Variants in WNT2B observed in about 807,000 individuals in gnomAD.
The protein encoded by WNT2B is protein Wnt-2b.
A neutral mutation model predicts 40.5 loss-of-function variants in WNT2B; 19 were observed. The ratio of observed to expected loss-of-function variants is 0.47; its 90% confidence interval spans 0.33 to 0.69. The LOEUF (loss-of-function observed/expected upper bound fraction) is 0.69, where lower values mean the gene tolerates loss of function less well. WNT2B is among the 30% of genes least tolerant of loss of function. The pLI, the probability that WNT2B is intolerant of heterozygous loss-of-function variation, is 0.02. For missense variants in WNT2B, 467 were observed against 556.4 expected (o/e 0.84, Z 1.62); for synonymous variants, 220 against 211.9 (o/e 1.04, Z -0.33).
At chr1:112,480,622 A>C (rs1460366054) in intron 1 of WNT2B, among the ~76,000 whole-genome samples, 1 of 152,168 alleles carries the variant, frequency 6.6e-6, no homozygotes, top group Non-Finnish European at 1.5e-5. Flanking sequence ...CCAGAACCAG[A>C]TGGCTTCATA....
At chr1:112,489,025 G>A (rs908956867) in intron 1 of WNT2B, among the ~76,000 whole-genome samples, 1 of 152,066 alleles carries the variant, frequency 6.6e-6, no homozygotes, top group African/African-American at 2.4e-5. Context: ...CTAAAACCAA[G>A]CAATCCCAGA....
chr1:112,507,958 G>A (rs1256015461), upstream of WNT2B, among the ~76,000 whole-genome samples: 1 of 152,146 alleles, frequency 6.6e-6, no homozygotes, highest in Non-Finnish European at 1.5e-5. Flanking sequence ...GGGGTGGTGG[G>A]GAGAGGAGAG....
At chr1:112,475,439 A>T (rs1420761194) in intron 1 of WNT2B, among the ~76,000 whole-genome samples, 1 of 152,256 alleles carries the variant, frequency 6.6e-6, no homozygotes, top group Admixed American at 6.5e-5. Context: ...TTTTAAAGAG[A>T]TTTAAAGAAC....
intron 1 of WNT2B, among the ~76,000 whole-genome samples, chr1:112,499,898 C>A (rs1651894308): frequency 1.6e-5 from 2 of 122,056 alleles, no homozygotes; most frequent in African/African-American, 2.6e-5. Context: ...TGTCTCATTG[C>A]TAAATAATTG....
chr1:112,512,386 T>A (rs2101085629), intron 1 of WNT2B, among the ~76,000 whole-genome samples: 1 of 152,366 alleles, frequency 6.6e-6, no homozygotes, highest in African/African-American at 2.4e-5. Flanking sequence ...CATGGTGAAA[T>A]GCAGATTCTG....
chr1:112,468,098 G>A (rs1230116288), intron 1 of WNT2B, among the ~76,000 whole-genome samples: 1 of 152,068 alleles, frequency 6.6e-6, no homozygotes. Context: ...ATTTAACATA[G>A]TGACTTCCAG....
upstream of WNT2B, among the ~76,000 whole-genome samples, chr1:112,508,009 T>C (rs1343411022): frequency 6.6e-6 from 1 of 152,006 alleles, no homozygotes; most frequent in Non-Finnish European, 1.5e-5. The surrounding 1 kb of genome is among the most constrained non-coding windows in gnomAD (Gnocchi z 4.2). Flanking sequence ...CTTCCCTATT[T>C]ACCACGCCCC....
chr1:112,514,580 G>A (rs544486723), intron 1 of WNT2B, among the ~76,000 whole-genome samples: 1 of 152,248 alleles, frequency 6.6e-6, no homozygotes, highest in South Asian at 2.1e-4. Flanking sequence ...CACAGCTTCT[G>A]TGTATGTGAC....
At chr1:112,483,768 C>A (rs1570768098) in intron 1 of WNT2B, among the ~76,000 whole-genome samples, 3 of 117,576 alleles carry the variant, frequency 2.6e-5, no homozygotes, top group Admixed American at 9.2e-5. Flanking sequence ...GGAACTCATA[C>A]AACTGAATAA....
intron 3 of WNT2B, among the ~76,000 whole-genome samples, chr1:112,516,818 G>A (rs1387770385): frequency 1.3e-5 from 2 of 152,198 alleles, no homozygotes; most frequent in Admixed American, 6.5e-5. Flanking sequence ...ACTCTAAAAC[G>A]TGAAAAGTAG....
chr1:112,514,754 G>T, intron 1 of WNT2B, 120 bp from the exon 2 acceptor site: 1 of 876,248 alleles, frequency 1.1e-6, no homozygotes, highest in Non-Finnish European at 1.8e-6. Flanking sequence ...ATGGAATGTG[G>T]GTTAGGGAGA....
rs2101164247 is a variant in WNT2B, at chr1:112,529,017, TG to T, written c.*8509del. On this transcript the variant is annotated 3_prime_UTR_variant, in exon 5 of 5. Coordinates refer to ENST00000369684, the MANE Select transcript of WNT2B (RefSeq NM_024494.3). ...TAAAAATCGCTACTTATGGGGCTTT[TG>T]TCATACTTCTTAACCAAACTTCCCT... 6.6e-6 allele frequency: 1 copy of T among 152,358 alleles called. No individual in the cohort carries two copies. The highest frequency in any genetic ancestry group is 2.1e-4 in the South Asian group (1 of 4,832). 9.4% of individuals were successfully genotyped at this position (152,358 alleles called of 1,614,324 possible).
At chr1:112,517,949 A>G (rs1652645729) in intron 4 of WNT2B, 2 of 154,982 alleles carry the variant, frequency 1.3e-5, no homozygotes, top group Admixed American at 6.3e-5. Flanking sequence ...GGGAAAGCAC[A>G]TGATCTGTCC....
At chr1:112,470,905 G>A (rs1323520102) in intron 1 of WNT2B, among the ~76,000 whole-genome samples, 1 of 152,200 alleles carries the variant, frequency 6.6e-6, no homozygotes, top group Non-Finnish European at 1.5e-5. Flanking sequence ...TCTGGAAAGT[G>A]TCTGCTCTGG....
At position 112,509,509 on chromosome 1, in the gene WNT2B, G is replaced by T. The variant is rs1330791119; in HGVS notation, c.182+65G>T. 4.7e-6 allele frequency: 7 copies of T among 1,491,680 alleles called. No homozygotes were observed. The highest frequency in any genetic ancestry group is 1.3e-5 in the South Asian group (1 of 76,440). The allele number at this position is 1,491,680 out of a possible 1,614,324, so 92.4% of individuals were successfully genotyped here. A position where few individuals can be genotyped will look rare whatever the true frequency, so the allele number is the denominator to read the frequency against. On this transcript the variant is annotated intron_variant, in intron 1 of 4. Coordinates refer to ENST00000369684, the MANE Select transcript of WNT2B (RefSeq NM_024494.3). The surrounding 1 kb of genome is among the most constrained non-coding windows in gnomAD (Gnocchi z 4.2). Reference sequence around the variant, plus strand: ...TAGGAGAGGCCGGAGGCGCCTGGAGGGACTGGCTGCTCACGGGACCAGGCT... The same window carrying T: ...TAGGAGAGGCCGGAGGCGCCTGGAGTGACTGGCTGCTCACGGGACCAGGCT...
At chr1:112,518,218 G>T (rs1431159413) in intron 4 of WNT2B, 1 of 152,220 alleles carries the variant, frequency 6.6e-6, no homozygotes, top group East Asian at 1.9e-4. Flanking sequence ...GGGAATGAAA[G>T]TTACCATCCT....
chr1:112,480,890 C>G lies in WNT2B; in HGVS notation c.-95+13299C>G, dbSNP rs535398549. On this transcript the variant is annotated intron_variant, in intron 1 of 4. Coordinates refer to the WNT2B transcript ENST00000256640. ...ATTATAAAAATTATACACCATAGGC[C>G]GGGCATGGTGGCTCACACCTGTAAT... 2.9e-3 allele frequency among the ~76,000 whole-genome samples: 442 copies of G among 152,106 alleles called. 1 individual carries two copies. Among genetic ancestry groups the G allele is most frequent in the South Asian group, 7.3e-3 (35 of 4,812 alleles).
At chr1:112,518,150 C>G (rs185901990) in intron 4 of WNT2B, 1 of 152,120 alleles carries the variant, frequency 6.6e-6, no homozygotes, top group South Asian at 2.1e-4. Context: ...TCAGTCTGTT[C>G]GAGGTATTTG....
chr1:112,491,679 G>A (rs1404645656), intron 1 of WNT2B, among the ~76,000 whole-genome samples: 2 of 151,962 alleles, frequency 1.3e-5, no homozygotes, highest in Non-Finnish European at 2.9e-5. Context: ...TGAGCTCAGG[G>A]GTTCAAGACC....
Sources: allele counts gnomAD v4.1 joint callset (sites outside exome capture counted in the v4.1 genomes callset), GRCh38; gene constraint gnomAD v4.1.1; non-coding constraint Gnocchi (gnomAD v3.1); transcripts MANE v1.5; gene names NCBI Gene and HGNC (gene_info 2026-07-23, HGNC 2026-07-21).